THSD7B: variants seen among roughly 807,000 people sequenced by gnomAD.
THSD7B encodes thrombospondin type-1 domain-containing protein 7B.
THSD7B carries 138 observed loss-of-function variants against 213.6 expected under a neutral mutation model. That is an observed-to-expected ratio of 0.65 (90% CI 0.56 to 0.74). The LOEUF (loss-of-function observed/expected upper bound fraction) is 0.74. THSD7B is among the 30% of genes least tolerant of loss of function. The pLI is 0.00. For missense variants in THSD7B, 1,931 were observed against 1,991.5 expected (o/e 0.97, Z 0.58); for synonymous variants, 742 against 687.0 (o/e 1.08, Z -1.25).
intron 2 of THSD7B, among the ~76,000 whole-genome samples, chr2:137,007,985 ATAGT>A (rs777499966): frequency 2.0e-5 from 3 of 152,170 alleles, no homozygotes; most frequent in Non-Finnish European, 2.9e-5. Context: ...GGTTTCAGCA[ATAGT>A]TAGTTGAGGG....
At chr2:137,205,627 C>T (rs924207449) in intron 7 of THSD7B, among the ~76,000 whole-genome samples, 2 of 151,990 alleles carry the variant, frequency 1.3e-5, no homozygotes, top group African/African-American at 2.4e-5. Flanking sequence ...AGACATTGAA[C>T]GTCACTTTCC....
chr2:136,923,891 C>T lies in THSD7B; in HGVS notation c.139+41574C>T, dbSNP rs1684478675. Among the ~76,000 whole-genome samples the T allele has an allele frequency of 2.6e-5, 4 of 152,132 alleles. 1 individual carries two copies. Among genetic ancestry groups the T allele is most frequent in the Non-Finnish European group, 4.4e-5 (3 of 68,022 alleles). ...TATATGATTGGCACATATTTTCTCT[C>T]ATTCTGCAGGTAACTTTTTCACTCT... is the stretch of plus-strand genomic sequence containing the variant. On this transcript the variant is annotated intron_variant, in intron 2 of 27. Coordinates refer to ENST00000409968, the MANE Select transcript of THSD7B (RefSeq NM_001316349.2).
intron 16 of THSD7B, among the ~76,000 whole-genome samples, chr2:137,564,061 T>TA (rs1681180005): frequency 6.6e-6 from 1 of 152,322 alleles, no homozygotes; most frequent in East Asian, 1.9e-4. Flanking sequence ...CAGCAGAAGT[T>TA]ACAATATTTA....
intron 17 of THSD7B, among the ~76,000 whole-genome samples, chr2:137,615,940 G>A (rs1573744919): frequency 2.0e-5 from 3 of 151,962 alleles, no homozygotes; most frequent in African/African-American, 2.4e-5. Flanking sequence ...AATTATATAC[G>A]GGAGATAGAA....
intron 5 of THSD7B, among the ~76,000 whole-genome samples, chr2:137,120,440 GGAAGGAGGAGGAAAGAT>G (rs1166057216): frequency 1.3e-5 from 2 of 151,414 alleles, no homozygotes; most frequent in Admixed American, 1.3e-4. Context: ...AAAAAGAAGG[GGAAGGAGGAGGAAAGAT>G]GAAGGAGGAG....
At chr2:137,078,447 A>G (rs541827802) in intron 3 of THSD7B, among the ~76,000 whole-genome samples, 1 of 152,156 alleles carries the variant, frequency 6.6e-6, no homozygotes, top group Non-Finnish European at 1.5e-5. Context: ...CATATCCTTT[A>G]TTAAGAGTTC....
At chr2:137,245,323 A>G (rs1010180158) in intron 10 of THSD7B, among the ~76,000 whole-genome samples, 1 of 152,190 alleles carries the variant, frequency 6.6e-6, no homozygotes, top group East Asian at 1.9e-4. Flanking sequence ...GAGGTTAATA[A>G]TAACACCTGC....
chr2:136,789,351 T>C (rs914946204), intron 1 of THSD7B, among the ~76,000 whole-genome samples: 1 of 152,080 alleles, frequency 6.6e-6, no homozygotes, highest in Admixed American at 6.6e-5. Flanking sequence ...TTAGCTTTTA[T>C]TGATACATAA....
intron 4 of THSD7B, 62 bp downstream of exon 4, chr2:137,095,183 T>C (rs1175748631): frequency 6.3e-7 from 1 of 1,582,836 alleles, no homozygotes; most frequent in Non-Finnish European, 8.6e-7. Context: ...GTAGGAATGT[T>C]AACAGTAATG....
intron 20 of THSD7B, among the ~76,000 whole-genome samples, chr2:137,631,662 T>A (rs1345426639): frequency 6.6e-6 from 1 of 152,238 alleles, no homozygotes; most frequent in Non-Finnish European, 1.5e-5. Flanking sequence ...ATGCATGGTA[T>A]TCTTGATTGG....
chr2:137,234,502 G>A (rs927526264), intron 9 of THSD7B, among the ~76,000 whole-genome samples: 10 of 152,146 alleles, frequency 6.6e-5, no homozygotes, highest in African/African-American at 2.4e-4. Flanking sequence ...CATTTGATGA[G>A]CTGGTGGTTT....
intron 6 of THSD7B, among the ~76,000 whole-genome samples, chr2:137,162,109 C>T (rs145842339): frequency 1.3e-5 from 2 of 152,158 alleles, no homozygotes; most frequent in Non-Finnish European, 2.9e-5. Flanking sequence ...CAGCCTAAGT[C>T]AGAAGAGACT....
intron 6 of THSD7B, among the ~76,000 whole-genome samples, chr2:137,169,794 C>G (rs1251312275): frequency 6.6e-6 from 1 of 152,140 alleles, no homozygotes; most frequent in Non-Finnish European, 1.5e-5. Flanking sequence ...AGGGTTCAAT[C>G]TGGTTCTCAG....
At chr2:137,044,373 G>C (rs1686932930) in intron 2 of THSD7B, among the ~76,000 whole-genome samples, 1 of 152,114 alleles carries the variant, frequency 6.6e-6, no homozygotes, top group Non-Finnish European at 1.5e-5. Flanking sequence ...TTGCTGTAAA[G>C]TGTCCAGGAT....
At chr2:136,887,439 G>A (rs1540421) in intron 2 of THSD7B, among the ~76,000 whole-genome samples, 59,948 of 151,908 alleles carry the variant, frequency 0.39, 14,148 homozygotes, top group Non-Finnish European at 0.54. Flanking sequence ...AATGATGGAG[G>A]TGGGGTCAGG....
At chr2:137,040,849 A>G (rs1484468461) in intron 2 of THSD7B, among the ~76,000 whole-genome samples, 2 of 152,196 alleles carry the variant, frequency 1.3e-5, no homozygotes, top group Non-Finnish European at 2.9e-5. Flanking sequence ...CTTCATGTAG[A>G]TTATGAAGTG....
At chr2:137,090,241 A>G (rs1405638675) in intron 3 of THSD7B, among the ~76,000 whole-genome samples, 3 of 152,126 alleles carry the variant, frequency 2.0e-5, no homozygotes, top group African/African-American at 7.2e-5. Flanking sequence ...TAAGGATAGT[A>G]GCTATGTCTG....
intron 3 of THSD7B, among the ~76,000 whole-genome samples, chr2:137,081,790 C>T (rs1687751810): frequency 6.6e-6 from 1 of 152,038 alleles, no homozygotes; most frequent in South Asian, 2.1e-4. Flanking sequence ...ATTTCAATGT[C>T]TATTTATTTC....
chr2:136,890,171 C>CT (rs1358533300), intron 2 of THSD7B, among the ~76,000 whole-genome samples: 2 of 151,806 alleles, frequency 1.3e-5, no homozygotes, highest in South Asian at 4.2e-4. Context: ...TCTCTGGCAT[C>CT]TTTTTTTATC....
Sources: gnomAD v4.1 joint callset for allele counts (sites outside exome capture counted in the v4.1 genomes callset) on GRCh38, gnomAD v4.1.1 for gene constraint, MANE v1.5 for transcripts, NCBI Gene and HGNC (gene_info 2026-07-23, HGNC 2026-07-21) for gene names.